Variants in PTPRT observed in about 807,000 individuals in gnomAD.
PTPRT encodes the protein protein tyrosine phosphatase receptor type T.
PTPRT carries 56 observed loss-of-function variants against 176.8 expected under a neutral mutation model. The observed-to-expected ratio is 0.32, with a 90% CI of 0.26 to 0.40. The LOEUF (loss-of-function observed/expected upper bound fraction) is 0.40, where lower values mean the gene tolerates loss of function less well. Among genes scored for constraint, PTPRT ranks in the 10% least tolerant of loss-of-function variants. The pLI is 1.00. For missense variants in PTPRT, 1,540 were observed against 1,908.2 expected (o/e 0.81, Z 3.60); for synonymous variants, 783 against 739.0 (o/e 1.06, Z -0.96).
At chr20:42,544,859 G>T (rs995791399) in intron 7 of PTPRT, among the ~76,000 whole-genome samples, 1 of 152,044 alleles carries the variant, frequency 6.6e-6, no homozygotes, top group Admixed American at 6.6e-5. Context: ...TCATTATGTT[G>T]CCCAGGCTGG....
At chr20:42,092,543 A>C (rs1984730670) in intron 27 of PTPRT, among the ~76,000 whole-genome samples, 1 of 152,220 alleles carries the variant, frequency 6.6e-6, no homozygotes, top group South Asian at 2.1e-4. Context: ...ATTTGAACTC[A>C]GGTCTCTTGA....
At chr20:42,719,527 G>A (rs1349067933) in intron 6 of PTPRT, among the ~76,000 whole-genome samples, 1 of 152,194 alleles carries the variant, frequency 6.6e-6, no homozygotes, top group African/African-American at 2.4e-5. Flanking sequence ...CTCTATAGCC[G>A]TGGTCCTTGG....
chr20:42,108,781 C>CTT (rs1986747068), intron 23 of PTPRT, among the ~76,000 whole-genome samples: 1 of 152,126 alleles, frequency 6.6e-6, no homozygotes, highest in African/African-American at 2.4e-5. Context: ...GGCATTCTCT[C>CTT]TTAGGCACTT....
chr20:42,372,141 G>A (rs1278567257), intron 9 of PTPRT, among the ~76,000 whole-genome samples: 1 of 152,160 alleles, frequency 6.6e-6, no homozygotes, highest in Non-Finnish European at 1.5e-5. Context: ...CTTCAAAGAT[G>A]AGAAGATCCA....
chr20:42,851,082 C>T (rs1216532846), intron 2 of PTPRT, among the ~76,000 whole-genome samples: 1 of 152,146 alleles, frequency 6.6e-6, no homozygotes, highest in Non-Finnish European at 1.5e-5. Context: ...TGGCCATTCT[C>T]CACTGTTTCA....
chr20:42,885,701 G>A (rs547476159), intron 2 of PTPRT, 106 bp downstream of exon 2: 58 of 1,412,494 alleles, frequency 4.1e-5, no homozygotes, highest in Non-Finnish European at 5.0e-5. Flanking sequence ...CAGAGCTATC[G>A]ATTGCCATCT....
At chr20:42,167,175 G>A (rs1989865663) in intron 16 of PTPRT, among the ~76,000 whole-genome samples, 1 of 152,156 alleles carries the variant, frequency 6.6e-6, no homozygotes, top group African/African-American at 2.4e-5. Context: ...GTAAAAACCA[G>A]TATTTGTTCT....
intron 7 of PTPRT, among the ~76,000 whole-genome samples, chr20:42,633,784 A>AATATATATATATATATATAT (rs752371452): frequency 7.5e-5 from 4 of 53,370 alleles, no homozygotes; most frequent in African/African-American, 3.8e-4. Context: ...AGACTCTGAA[A>AATATATATATATATATATAT]ATATATATAT....
chr20:42,098,414 C>T lies in PTPRT; in HGVS notation c.3846+7G>A, dbSNP rs1176255502. The T allele has an allele frequency of 1.2e-5, 19 of 1,613,858 alleles. No individual in the cohort carries two copies. In the African/African-American group the frequency reaches 1.2e-4, roughly 10 times the overall value. On this transcript the variant is annotated splice_region_variant and intron_variant, in intron 27 of 30. Coordinates refer to ENST00000373187, the MANE Select transcript of PTPRT (RefSeq NM_007050.6). ...CCCACCTAGGGCTTGGCTTGGCCTC[C>T]TCCTACCTGGGCAGTGTCCATCTCA...
intron 7 of PTPRT, among the ~76,000 whole-genome samples, chr20:42,594,352 C>T (rs769766472): frequency 4.6e-5 from 7 of 152,014 alleles, no homozygotes; most frequent in Non-Finnish European, 8.8e-5. Flanking sequence ...AAAATTGGTT[C>T]GTGAAACAGA....
At chr20:42,267,177 T>C (rs1471910566) in intron 13 of PTPRT, among the ~76,000 whole-genome samples, 1 of 152,208 alleles carries the variant, frequency 6.6e-6, no homozygotes, top group Non-Finnish European at 1.5e-5. Context: ...AGTACAGTAT[T>C]CCATAAATTA....
At chr20:42,250,809 G>C (rs894254726) in intron 13 of PTPRT, among the ~76,000 whole-genome samples, 1 of 152,198 alleles carries the variant, frequency 6.6e-6, no homozygotes, top group Admixed American at 6.5e-5. Context: ...TGTAGAGTCA[G>C]AGATTCTGTT....
In PTPRT at chr20:42,270,675, G is replaced by C. The variant is rs11696461; in HGVS notation, c.2176+11814C>G. 9.6e-3 allele frequency among the ~76,000 whole-genome samples: 1,456 copies of C among 152,216 alleles called. 8 individuals are homozygous for C. The highest frequency in any genetic ancestry group is 0.016 in the Non-Finnish European group (1,076 of 68,012). ...GAGGCACCACTTATCAAGCACCCAC[G>C]ACATGCCAGGTACTTTTCTGGGTGC... On this transcript the variant is annotated intron_variant, in intron 13 of 30. Transcript: ENST00000373187.
chr20:43,003,654 ATC>A (rs1669997088), intron 1 of PTPRT, among the ~76,000 whole-genome samples: 1 of 152,240 alleles, frequency 6.6e-6, no homozygotes, highest in South Asian at 2.1e-4. Flanking sequence ...TTTAAGAAGT[ATC>A]TCGCATTGTT....
In PTPRT at chr20:42,746,624, TG is replaced by T. The variant is rs544334275; in HGVS notation, c.859+9837del. ...TATGTGTTCTTGACAATAGCAGTCA[TG>T]GGAAAAAAAATGATGCAAGTATTAT... On this transcript the variant is annotated intron_variant, in intron 6 of 30. Coordinates refer to ENST00000373187, the MANE Select transcript of PTPRT (RefSeq NM_007050.6). 5.6e-5 allele frequency among the ~76,000 whole-genome samples: 7 copies of T among 125,510 alleles called. No individual in the cohort carries two copies. In the East Asian group the frequency reaches 1.7e-3, roughly 31 times the overall value. 82.3% of individuals were successfully genotyped at this position (125,510 alleles called of 152,430 possible).
At chr20:42,657,873 T>C (rs758650309) in intron 7 of PTPRT, among the ~76,000 whole-genome samples, 2 of 152,136 alleles carry the variant, frequency 1.3e-5, no homozygotes, top group Admixed American at 6.5e-5. Context: ...AGTTTCTTCA[T>C]TAATGAATTA....
At chr20:42,518,967 G>C (rs1274360133) in intron 7 of PTPRT, among the ~76,000 whole-genome samples, 2 of 151,926 alleles carry the variant, frequency 1.3e-5, no homozygotes, top group African/African-American at 2.4e-5. Flanking sequence ...AATATATAAA[G>C]CTCTCATGTA....
Position 42,081,451 on chromosome 20 carries a change from G to A in PTPRT, c.4272+431C>T, listed in dbSNP as rs369949373. Among the ~76,000 whole-genome samples the A allele has an allele frequency of 2.3e-3, 346 of 152,146 alleles. 2 individuals carry two copies. The highest frequency in any genetic ancestry group is 6.4e-3 in the East Asian group (33 of 5,172). ...ATGGTACCAGGTCTTATCACCCGGG[G>A]CTCTGCCCACACACTCTCTTTATCA... On this transcript the variant is annotated intron_variant, in intron 30 of 30. Coordinates refer to ENST00000373187, the MANE Select transcript of PTPRT (RefSeq NM_007050.6).
rs551392648 is a variant in PTPRT at position 43,091,537 on chromosome 20, T to A, written c.88+98109A>T. 1.3e-3 allele frequency among the ~76,000 whole-genome samples: 184 copies of A among 144,736 alleles called. 1 individual carries two copies. The highest frequency in any genetic ancestry group is 2.3e-3 in the Non-Finnish European group (152 of 66,488). The allele number at this position is 144,736 out of a possible 152,430, so 95.0% of individuals were successfully genotyped here. On this transcript the variant is annotated intron_variant, in intron 1 of 30. Coordinates refer to ENST00000373187, the MANE Select transcript of PTPRT (RefSeq NM_007050.6). ...CCCTCTCTTTCTCTCTCTCTCTCTC[T>A]CACACACACATACACACAAACACAC...
Sources: gnomAD v4.1 joint callset for allele counts (sites outside exome capture counted in the v4.1 genomes callset) on GRCh38, gnomAD v4.1.1 for gene constraint, MANE v1.5 for transcripts, NCBI Gene and HGNC (gene_info 2026-07-23, HGNC 2026-07-21) for gene names.